Variants in PCLO observed in about 807,000 individuals in gnomAD.
PCLO encodes the protein protein piccolo.
Under a neutral mutation model 427.5 loss-of-function variants are expected in PCLO, and 82 were observed. That is an observed-to-expected ratio of 0.19 (90% CI 0.16 to 0.23). The LOEUF (loss-of-function observed/expected upper bound fraction) is 0.23. Ranked by LOEUF, PCLO falls within the 10% of genes least tolerant of loss-of-function variation. PCLO has a pLI of 1.00. For synonymous variants in PCLO, 2,357 were observed against 2,155.4 expected (o/e 1.09, Z -2.59); for missense variants, 6,239 against 6,115.9 (o/e 1.02, Z -0.67).
Position 82,953,118 on chromosome 7 carries a change from T to C in PCLO, c.7835A>G (p.Asp2612Gly). 1 of 1,613,918 alleles carries C rather than the reference T, an allele frequency of 6.2e-7. No homozygotes were observed. The highest frequency in any genetic ancestry group is 8.5e-7 in the Non-Finnish European group (1 of 1,179,842). ...TSWPLGSPSK[D>G]LVSVEPVFSV... is the part of the protein sequence containing the mutation. Reference sequence around the variant, plus strand: ...AAACACAGGTTCAACAGAAACCAGATCTTTGGAGGGTGATCCCAAGGGCCA... The same window carrying C: ...AAACACAGGTTCAACAGAAACCAGACCTTTGGAGGGTGATCCCAAGGGCCA... Residue 2612 changes from aspartate (D) to glycine (G), a missense_variant, in exon 5 of 25, where the codon GAT becomes GGT. By Grantham distance (94) the Asp-to-Gly change is moderately conservative. Coordinates refer to ENST00000333891, the MANE Select transcript of PCLO (RefSeq NM_033026.6).
At chr7:82,912,032 A>G (rs896245206) in intron 7 of PCLO, among the ~76,000 whole-genome samples, 3 of 152,168 alleles carry the variant, frequency 2.0e-5, no homozygotes, top group African/African-American at 7.2e-5. Flanking sequence ...AATCTTTTAG[A>G]ATATATCTAA....
At chr7:83,082,642 A>G (rs1166668854) in intron 3 of PCLO, among the ~76,000 whole-genome samples, 1 of 151,776 alleles carries the variant, frequency 6.6e-6, no homozygotes, top group Non-Finnish European at 1.5e-5. Flanking sequence ...AAAGAGTAGA[A>G]TTGGAATGCT....
chr7:82,952,183 T>C lies in PCLO; in HGVS notation c.8770A>G (p.Ile2924Val). Reference sequence around the variant, plus strand: ...AAATCAACGGGTTTTTCATCTTCTATTATTTTGGTCATCACACTTGAAGTA... The same window carrying C: ...AAATCAACGGGTTTTTCATCTTCTACTATTTTGGTCATCACACTTGAAGTA... Reference protein sequence around the residue: ...ESTSSVMTKIIEDEKPVDLTA... With the variant: ...ESTSSVMTKIVEDEKPVDLTA... The change falls in exon 5 of 25, where the codon ATA becomes GTA. Residue 2924 changes from isoleucine to valine, a missense_variant. Physicochemically the swap from Ile to Val is conservative, Grantham distance 29 (BLOSUM62 3). Transcript: ENST00000333891. The C allele has an allele frequency of 6.3e-7, 1 of 1,599,152 alleles. No homozygotes were observed. The highest frequency in any genetic ancestry group is 1.1e-5 in the South Asian group (1 of 90,350).
At chr7:82,778,308 C>T (rs763113654) in intron 22 of PCLO, among the ~76,000 whole-genome samples, 12 of 152,088 alleles carry the variant, frequency 7.9e-5, no homozygotes, top group Non-Finnish European at 1.2e-4. Flanking sequence ...CACTTGTATG[C>T]TGTTAGTGGG....
At chr7:82,854,556 C>T (rs1584053236) in intron 10 of PCLO, among the ~76,000 whole-genome samples, 1 of 151,970 alleles carries the variant, frequency 6.6e-6, no homozygotes, top group Non-Finnish European at 1.5e-5. Context: ...AGGAGATTTG[C>T]AGTATCATCC....
At chr7:82,967,000 G>C (rs995200841) in intron 3 of PCLO, among the ~76,000 whole-genome samples, 1 of 152,022 alleles carries the variant, frequency 6.6e-6, no homozygotes, top group Non-Finnish European at 1.5e-5. Context: ...TCAGAGTAGA[G>C]CTTTATAGGT....
At position 82,755,684 on chromosome 7, in the gene PCLO, A is replaced by G. The variant is rs1242056046; in HGVS notation, c.*2891T>C. ...AAAAAAGTTAATTCCAATAAAATGAAATAAACTAAAGAGTGAAAAACCATG... is the reference window on the plus strand; with the variant it reads ...AAAAAAGTTAATTCCAATAAAATGAGATAAACTAAAGAGTGAAAAACCATG... On this transcript the variant is annotated 3_prime_UTR_variant, in exon 25 of 25. Coordinates refer to ENST00000333891, the MANE Select transcript of PCLO (RefSeq NM_033026.6). The G allele has an allele frequency of 6.6e-6, 1 of 152,192 alleles. No homozygotes were observed. The highest frequency in any genetic ancestry group is 2.4e-5 in the African/African-American group (1 of 41,462). 9.4% of individuals were successfully genotyped at this position (152,192 alleles called of 1,614,324 possible). A position where few individuals can be genotyped will look rare whatever the true frequency, so the allele number is the denominator to read the frequency against.
intron 22 of PCLO, among the ~76,000 whole-genome samples, chr7:82,763,180 C>G (rs1453991217): frequency 6.6e-6 from 1 of 152,094 alleles, no homozygotes; most frequent in East Asian, 1.9e-4. Context: ...TTAAGTGAAA[C>G]TGGCATTTTT....
intron 2 of PCLO, among the ~76,000 whole-genome samples, chr7:83,137,978 T>C (rs1791769474): frequency 6.6e-6 from 1 of 152,148 alleles, no homozygotes; most frequent in South Asian, 2.1e-4. Context: ...TGTCTATAAA[T>C]ATGCATCTAC....
At chr7:82,763,612 G>A (rs62465936) in intron 22 of PCLO, among the ~76,000 whole-genome samples, 11,598 of 151,988 alleles carry the variant, frequency 0.076, 1,074 homozygotes, top group African/African-American at 0.22. Flanking sequence ...GATGAAATTA[G>A]CTTAAAATTT....
intron 16 of PCLO, among the ~76,000 whole-genome samples, chr7:82,832,231 T>C (rs910193833): frequency 1.3e-5 from 2 of 152,232 alleles, no homozygotes; most frequent in East Asian, 1.9e-4. Context: ...CTTCACCCTC[T>C]TGAAGTTTTG....
chr7:82,964,284 G>A (rs1406901738), intron 4 of PCLO, among the ~76,000 whole-genome samples: 3 of 152,096 alleles, frequency 2.0e-5, no homozygotes, highest in African/African-American at 4.8e-5. Flanking sequence ...TGGGAGACAG[G>A]AGACAGGTGC....
chr7:82,939,001 T>A (rs6467916), intron 6 of PCLO, among the ~76,000 whole-genome samples: 80,311 of 151,786 alleles, frequency 0.53, 21,676 homozygotes, highest in East Asian at 0.8. Context: ...TATATTCCCC[T>A]TTTTCTTTTC....
In PCLO at chr7:82,950,724, C is replaced by T. The variant is rs777494877; in HGVS notation, c.9864G>A (p.Gln3288=). ...QFMMRQETLA[Q]QQLQLEQIQQ... ...GGATCTGCTCAAGCTGTAACTGTTG[C>T]TGAGCTAACGTCTCCTGCCTCATCA... Residue 3288 remains glutamine, a synonymous_variant, in exon 6 of 25, where the codon CAG becomes CAA. Transcript: ENST00000333891. The T allele has an allele frequency of 6.2e-7, 1 of 1,613,852 alleles. No homozygotes were observed. The highest frequency in any genetic ancestry group is 2.2e-5 in the East Asian group (1 of 44,832).
chr7:82,762,772 TG>T (rs1322175989), intron 22 of PCLO, among the ~76,000 whole-genome samples: 1 of 152,024 alleles, frequency 6.6e-6, no homozygotes, highest in Non-Finnish European at 1.5e-5. Flanking sequence ...AGAGGACAAC[TG>T]CATTCTCTTT....
intron 6 of PCLO, among the ~76,000 whole-genome samples, chr7:82,930,552 A>G (rs994065583): frequency 6.6e-6 from 1 of 152,320 alleles, no homozygotes; most frequent in African/African-American, 2.4e-5. Context: ...AGCATAACAC[A>G]AAAATACTCA....
At chr7:82,798,488 T>C (rs192925193) in intron 22 of PCLO, among the ~76,000 whole-genome samples, 1 of 152,314 alleles carries the variant, frequency 6.6e-6, no homozygotes, top group Non-Finnish European at 1.5e-5. Flanking sequence ...ATTAAACATA[T>C]ATCTCAAGTA....
At chr7:82,865,905 G>C (rs1004798886) in intron 10 of PCLO, among the ~76,000 whole-genome samples, 1 of 152,080 alleles carries the variant, frequency 6.6e-6, no homozygotes, top group Admixed American at 6.6e-5. Context: ...ACAGCAGTAA[G>C]AGTGATCCTA....
rs141176988 is a variant in PCLO, at chr7:82,799,668, C to T, written c.15007+1850G>A. ...GCTTCCAGTTGGTTTTGATCAGGCA[C>T]TGGCAGAGATTGGAGAATGGGAGGA... On this transcript the variant is annotated intron_variant, in intron 22 of 24. Coordinates refer to ENST00000333891, the MANE Select transcript of PCLO (RefSeq NM_033026.6). Among the ~76,000 whole-genome samples the T allele has an allele frequency of 2.0e-5, 3 of 152,258 alleles. No homozygotes were observed. The East Asian group carries it at 5.8e-4, about 29-fold the overall frequency.
Sources: gnomAD v4.1 joint callset for allele counts (sites outside exome capture counted in the v4.1 genomes callset) on GRCh38, gnomAD v4.1.1 for gene constraint, MANE v1.5 for transcripts, NCBI Gene and HGNC (gene_info 2026-07-23, HGNC 2026-07-21) for gene names.